The following CLVS1 variants were observed in gnomAD, a reference collection of about 807,000 sequenced individuals.
CLVS1 encodes clavesin-1.
A neutral mutation model predicts 33.1 loss-of-function variants in CLVS1; 10 were observed. The observed-to-expected ratio is 0.30, with a 90% CI of 0.19 to 0.51. CLVS1 has a LOEUF of 0.51. Ranked by LOEUF, CLVS1 falls within the 20% of genes least tolerant of loss-of-function variation. The probability of loss-of-function intolerance (pLI) is 0.97; values close to 1 mark genes in which losing one functional copy is unlikely to be tolerated. For missense variants in CLVS1, 343 were observed against 433.4 expected (o/e 0.79, Z 1.85); for synonymous variants, 163 against 166.1 (o/e 0.98, Z 0.14).
At chr8:61,211,431 T>C (rs1428017272) in intron 2 of CLVS1, among the ~76,000 whole-genome samples, 3 of 150,234 alleles carry the variant, frequency 2.0e-5, no homozygotes, top group Non-Finnish European at 4.4e-5. Context: ...TTCCTTCTCC[T>C]CCTGTTCTTC....
At chr8:60,966,716 C>T in the CLVS1 span, among the ~76,000 whole-genome samples, 6 of 152,112 alleles carry the variant, frequency 3.9e-5, no homozygotes, top group African/African-American at 1.4e-4. Flanking sequence ...AAATCTTTAG[C>T]AAGACTGTTG....
intron 2 of CLVS1, among the ~76,000 whole-genome samples, chr8:61,272,843 G>A (rs1214673450): frequency 4.1e-4 from 62 of 151,988 alleles, no homozygotes; most frequent in East Asian, 7.7e-4. Context: ...TTTCAGCTCC[G>A]TCAGCTCCTT....
At chr8:61,011,014 A>G in the CLVS1 span, among the ~76,000 whole-genome samples, 4 of 152,194 alleles carry the variant, frequency 2.6e-5, no homozygotes, top group African/African-American at 9.7e-5. Context: ...TATCTGTTAC[A>G]TGCTTTTCCT....
chr8:61,155,970 T>G (rs1290538771), intron 2 of CLVS1, among the ~76,000 whole-genome samples: 1 of 152,178 alleles, frequency 6.6e-6, no homozygotes, highest in Non-Finnish European at 1.5e-5. Flanking sequence ...CTCAGCATTT[T>G]GGGAGGCTGA....
chr8:61,007,024 T>C, the CLVS1 span, among the ~76,000 whole-genome samples: 2 of 152,376 alleles, frequency 1.3e-5, no homozygotes, highest in African/African-American at 2.4e-5. Flanking sequence ...TCCTGGAAGC[T>C]GAAGTTCCTG....
At chr8:60,998,071 G>C in the CLVS1 span, among the ~76,000 whole-genome samples, 1 of 152,136 alleles carries the variant, frequency 6.6e-6, no homozygotes, top group Non-Finnish European at 1.5e-5. Flanking sequence ...TGATTTGCCC[G>C]TTGTCTCTCA....
chr8:61,126,539 G>T (rs1170684036), intron 1 of CLVS1, among the ~76,000 whole-genome samples: 1 of 152,166 alleles, frequency 6.6e-6, no homozygotes, highest in Admixed American at 6.5e-5. Context: ...TGTATCCAAT[G>T]GAACTGATAA....
intron 3 of CLVS1, among the ~76,000 whole-genome samples, chr8:61,385,550 A>T (rs1343570991): frequency 6.6e-6 from 1 of 152,216 alleles, no homozygotes; most frequent in Admixed American, 6.5e-5. Context: ...CAAAAGAATT[A>T]GTGAAAAAAA....
the CLVS1 span, among the ~76,000 whole-genome samples, chr8:60,991,261 G>A: frequency 6.6e-6 from 1 of 152,130 alleles, no homozygotes; most frequent in Non-Finnish European, 1.5e-5. Flanking sequence ...TTTTTGTATA[G>A]GTAAAGAGGA....
chr8:61,485,407 A>G (rs62526505), intron 5 of CLVS1, among the ~76,000 whole-genome samples: 86,041 of 151,994 alleles, frequency 0.57, 27,923 homozygotes, highest in Non-Finnish European at 0.72. Context: ...ACCATCTCAC[A>G]CCAGTTAGAA....
chr8:61,127,693 A>G (rs746725296), intron 1 of CLVS1, among the ~76,000 whole-genome samples: 5 of 152,210 alleles, frequency 3.3e-5, no homozygotes, highest in African/African-American at 1.2e-4. Context: ...AACTGATAAG[A>G]TATATCTTTG....
chr8:61,082,480 GAAAC>G lies in CLVS1; in HGVS notation c.-243+25266_-243+25269del, dbSNP rs1021880007. Among the ~76,000 whole-genome samples the G allele has an allele frequency of 1.4e-3, 215 of 149,142 alleles. 1 individual carries two copies. The highest frequency in any genetic ancestry group is 4.8e-3 in the African/African-American group (193 of 40,286). On this transcript the variant is annotated intron_variant, in intron 1 of 2. Transcript: ENST00000522621. The stretch of plus-strand genomic sequence containing the variant: ...GAATCAGGAAAAATACCAAAACAAA[GAAAC>G]AAACAAACAAACAAAAACAACAACA...
chr8:61,239,628 T>C (rs1808650395), intron 2 of CLVS1, among the ~76,000 whole-genome samples: 2 of 151,918 alleles, frequency 1.3e-5, no homozygotes. Flanking sequence ...CCCAGCTACT[T>C]GGGAGGCTGG....
intron 2 of CLVS1, among the ~76,000 whole-genome samples, chr8:61,305,147 G>GA (rs1272219585): frequency 2.6e-5 from 4 of 151,522 alleles, no homozygotes; most frequent in African/African-American, 7.3e-5. Flanking sequence ...TGTTTCTTAA[G>GA]AAAAAAAATC....
At chr8:61,127,699 C>A (rs1053365466) in intron 1 of CLVS1, among the ~76,000 whole-genome samples, 1 of 152,198 alleles carries the variant, frequency 6.6e-6, no homozygotes. Context: ...TAAGATATAT[C>A]TTTGAATATA....
intron 1 of CLVS1, among the ~76,000 whole-genome samples, chr8:61,059,180 T>A (rs1804532814): frequency 6.6e-6 from 1 of 152,088 alleles, no homozygotes; most frequent in African/African-American, 2.4e-5. Flanking sequence ...ATGAGAGTTC[T>A]AGTTCCTCCA....
intron 1 of CLVS1, among the ~76,000 whole-genome samples, chr8:61,061,387 C>T (rs943989491): frequency 6.6e-6 from 1 of 152,130 alleles, no homozygotes. Context: ...ATTCGCACCG[C>T]ACGTACCCAT....
At chr8:61,120,688 G>A (rs1006570616) in intron 1 of CLVS1, among the ~76,000 whole-genome samples, 3 of 141,456 alleles carry the variant, frequency 2.1e-5, no homozygotes, top group Admixed American at 6.8e-5. Flanking sequence ...GCTGCTCAGG[G>A]GTCAGGGGTC....
chr8:61,499,132 A>G (rs1238019068), intron 5 of CLVS1, among the ~76,000 whole-genome samples: 2 of 152,164 alleles, frequency 1.3e-5, no homozygotes, highest in African/African-American at 4.8e-5. Context: ...AGAAAAACAG[A>G]GATACGAAAG....
Sources: gnomAD v4.1 joint callset for allele counts (sites outside exome capture counted in the v4.1 genomes callset) on GRCh38, gnomAD v4.1.1 for gene constraint, MANE v1.5 for transcripts, NCBI Gene and HGNC (gene_info 2026-07-23, HGNC 2026-07-21) for gene names.